Variants in NAXD observed in about 807,000 individuals in gnomAD.
NAXD encodes NAD(P)HX dehydratase.
NAXD carries 22 observed loss-of-function variants against 35.8 expected under a neutral mutation model. The observed-to-expected ratio is 0.62, with a 90% CI of 0.44 to 0.88. The LOEUF is 0.88. NAXD is among the 40% of genes least tolerant of loss of function. The pLI is 0.00. For synonymous variants in NAXD, 189 were observed against 177.6 expected, an observed-to-expected ratio of 1.06 and a Z score of -0.51; for missense variants, 428 against 437.7, an observed-to-expected ratio of 0.98 and a Z score of 0.20.
In NAXD at chr13:110,639,882, C is replaced by A. The variant is rs1887115030; in HGVS notation, c.*1354C>A. Reference sequence around the variant, plus strand: ...CTAATTTGACGCCTAACTTCAGAAGCTTCACTGTCTACATGTGAACTTTTC... The same window carrying A: ...CTAATTTGACGCCTAACTTCAGAAGATTCACTGTCTACATGTGAACTTTTC... On this transcript the variant is annotated 3_prime_UTR_variant, in exon 10 of 10. Transcript: ENST00000680254. The A allele has an allele frequency of 6.6e-6, 1 of 152,218 alleles. No homozygotes were observed. The highest frequency in any genetic ancestry group is 2.1e-4 in the South Asian group (1 of 4,832). The allele number at this position is 152,218 out of a possible 1,614,324, so 9.4% of individuals were successfully genotyped here. A position where few individuals can be genotyped will look rare whatever the true frequency, so the allele number is the denominator to read the frequency against.
In NAXD at chr13:110,639,013, A is replaced by G; in HGVS notation, c.*485A>G. On this transcript the variant is annotated 3_prime_UTR_variant, in exon 10 of 10. Coordinates refer to ENST00000680254, the MANE Select transcript of NAXD (RefSeq NM_001242882.2). ...CGACTGCACTGACTGGGTCCATCAG[A>G]GGGCTGCTTCGTTCTCCAGCTCATC... is the stretch of plus-strand genomic sequence containing the variant. The G allele has an allele frequency of 3.5e-6, 1 of 289,780 alleles. No individual in the cohort carries two copies. The highest frequency in any genetic ancestry group is 6.8e-6 in the Non-Finnish European group (1 of 146,874). 18.0% of individuals were successfully genotyped at this position (289,780 alleles called of 1,614,324 possible).
rs1337947238 is a variant in NAXD, at chr13:110,631,165, A to G, written c.442-3380A>G. Among the ~76,000 whole-genome samples the G allele has an allele frequency of 3.9e-5, 6 of 152,182 alleles. No individual in the cohort carries two copies. The East Asian group carries it at 1.2e-3, about 29-fold the overall frequency. The stretch of plus-strand genomic sequence containing the variant: ...AATCTGGAGCGCAGGCTCTTGACCA[A>G]TGCACCTGTCCTCACACTGTGCTCT... On this transcript the variant is annotated intron_variant, in intron 5 of 9. Transcript: ENST00000680254.
chr13:110,639,993 T>TAAGGAAAA lies in NAXD; in HGVS notation c.*1467_*1468insGGAAAAAA, dbSNP rs1887118346. On this transcript the variant is annotated 3_prime_UTR_variant, in exon 10 of 10. Transcript: ENST00000680254. ...TATTAAAAGACAGATCTGGTTAATT[T>TAAGGAAAA]AAATTGAGTATTGTATTTTTTTCCT... 6.6e-6 allele frequency: 1 copy of TAAGGAAAA among 152,218 alleles called. No individual in the cohort carries two copies. Among genetic ancestry groups the TAAGGAAAA allele is most frequent in the Non-Finnish European group, 1.5e-5 (1 of 68,032 alleles). 9.4% of individuals were successfully genotyped at this position (152,218 alleles called of 1,614,324 possible). A position where few individuals can be genotyped will look rare whatever the true frequency, so the allele number is the denominator to read the frequency against.
intron 1 of NAXD, 58 bp downstream of exon 1, chr13:110,615,705 G>A (rs1169757981): frequency 6.6e-7 from 1 of 1,519,800 alleles, no homozygotes. Context: ...CGGAACTGCC[G>A]TCGCCGGCGC....
chr13:110,622,759 A>G (rs926796331), intron 2 of NAXD, among the ~76,000 whole-genome samples: 3 of 152,218 alleles, frequency 2.0e-5, no homozygotes, highest in Admixed American at 6.5e-5. Flanking sequence ...AAATTTGACA[A>G]ATCCCTAGCT....
rs755893102 is a variant in NAXD at position 110,625,193 on chromosome 13, G to A, written c.247G>A (p.Ala83Thr). 9 of 1,613,038 alleles carry A rather than the reference G, an allele frequency of 5.6e-6. No individual in the cohort carries two copies. Among genetic ancestry groups the A allele is most frequent in the South Asian group, 3.3e-5 (3 of 91,058 alleles). Residue 83 changes from alanine to threonine, a missense_variant, in exon 4 of 10, where the codon GCA (alanine) becomes ACA (threonine). Coordinates refer to ENST00000680254, the MANE Select transcript of NAXD (RefSeq NM_001242882.2). Reference protein sequence around the residue: ...FAAISALKVGADLSHVFCASA... With the variant: ...FAAISALKVGTDLSHVFCASA... Reference sequence around the variant, plus strand: ...GCCTCTTGTGCTCCTTCATCAGGGCGCAGACTTGTCCCACGTGTTCTGTGC... The same window carrying A: ...GCCTCTTGTGCTCCTTCATCAGGGCACAGACTTGTCCCACGTGTTCTGTGC...
chr13:110,627,127 A>C (rs1280312382), intron 4 of NAXD, among the ~76,000 whole-genome samples: 1 of 152,216 alleles, frequency 6.6e-6, no homozygotes, highest in South Asian at 2.1e-4. Flanking sequence ...GGGTCCTGAC[A>C]TGGGAAGAGG....
In NAXD at chr13:110,615,609, T is replaced by C. The variant is rs535389496; in HGVS notation, c.8T>C (p.Leu3Pro). The change falls in exon 1 of 10, where the codon CTG becomes CCG. Residue 3 changes from leucine (L) to proline (P), a missense_variant. Physicochemically the swap from Leu to Pro is moderately conservative, Grantham distance 98. Transcript: ENST00000680254. MA[L>P]GPRCGAIRAC... Reference sequence around the variant, plus strand: ...AATCCGGAATGCTGCCCGATGGCCCTGGGTCCTCGCTGTGGGGCAATCCGG... The same window carrying C: ...AATCCGGAATGCTGCCCGATGGCCCCGGGTCCTCGCTGTGGGGCAATCCGG... 394 of 1,447,688 alleles carry C rather than the reference T, an allele frequency of 2.7e-4. 2 individuals are homozygous for C. In the African/African-American group the frequency reaches 5.3e-3, roughly 20 times the overall value. 89.7% of individuals were successfully genotyped at this position (1,447,688 alleles called of 1,614,324 possible).
At chr13:110,618,706 A>C (rs1886150043) in intron 1 of NAXD, among the ~76,000 whole-genome samples, 1 of 152,030 alleles carries the variant, frequency 6.6e-6, no homozygotes, top group Admixed American at 6.5e-5. Flanking sequence ...GCTTACCTTG[A>C]AGTGCAGGAA....
chr13:110,625,238 A>T lies in NAXD; in HGVS notation c.292A>T (p.Ile98Phe), dbSNP rs1425607842. ...VFCASAAAPVIKAYSPELIVH... is the reference protein window; with the variant it reads ...VFCASAAAPVFKAYSPELIVH... ...CTGTGCCAGTGCGGCCGCACCTGTG[A>T]TTAAGGCCTACAGCCCGGAGCTGAT... is the stretch of plus-strand genomic sequence containing the variant. Residue 98 changes from isoleucine (I) to phenylalanine (F), a missense_variant, in exon 4 of 10, where the codon ATT becomes TTT. Transcript: ENST00000680254. 1.9e-6 allele frequency: 3 copies of T among 1,613,892 alleles called. No individual in the cohort carries two copies. Among genetic ancestry groups the T allele is most frequent in the Non-Finnish European group, 2.5e-6 (3 of 1,179,900 alleles).
chr13:110,638,605 C>T lies in NAXD; in HGVS notation c.*77C>T, dbSNP rs1436642213. On this transcript the variant is annotated 3_prime_UTR_variant, in exon 10 of 10. Coordinates refer to ENST00000680254, the MANE Select transcript of NAXD (RefSeq NM_001242882.2). The surrounding 1 kb of genome is among the most constrained non-coding windows in gnomAD (Gnocchi z 5.4). ...TGTGATGGGAAAATCCGGACCCACGCGTGTGCTGAAGGCGTACGGTGCTTG... is the reference window on the plus strand; with the variant it reads ...TGTGATGGGAAAATCCGGACCCACGTGTGTGCTGAAGGCGTACGGTGCTTG... The T allele has an allele frequency of 8.4e-6, 13 of 1,541,084 alleles. No individual in the cohort carries two copies. The highest frequency in any genetic ancestry group is 3.3e-5 in the Admixed American group (2 of 59,762).
chr13:110,636,744 AGT>A (rs1224231531), intron 8 of NAXD, among the ~76,000 whole-genome samples: 1 of 152,158 alleles, frequency 6.6e-6, no homozygotes, highest in African/African-American at 2.4e-5. Context: ...TGAACTCTGG[AGT>A]GTGGGCTGCA....
At position 110,638,697 on chromosome 13, in the gene NAXD, T is replaced by C. The variant is rs330564; in HGVS notation, c.*169T>C. ...TTTAAGAATCTGGAATATTGCAGCTTTTGGTTAAACTTAATGCATGGTTGG... is the reference window on the plus strand; with the variant it reads ...TTTAAGAATCTGGAATATTGCAGCTCTTGGTTAAACTTAATGCATGGTTGG... On this transcript the variant is annotated 3_prime_UTR_variant, in exon 10 of 10. Transcript: ENST00000680254. This position sits in a 1 kb window ranked among gnomAD's most constrained non-coding sequence, Gnocchi z 5.4. The C allele has an allele frequency of 0.29, 231,792 of 798,342 alleles. 35,964 individuals carry two copies. The highest frequency in any genetic ancestry group is 0.49 in the Admixed American group (24,673 of 50,172). The allele number at this position is 798,342 out of a possible 1,614,324, so 49.5% of individuals were successfully genotyped here.
At chr13:110,621,985 A>T (rs1447559727) in intron 1 of NAXD, among the ~76,000 whole-genome samples, 1 of 150,848 alleles carries the variant, frequency 6.6e-6, no homozygotes, top group African/African-American at 2.4e-5. Flanking sequence ...AGCTGAGATC[A>T]CGCCACTGCA....
chr13:110,637,214 C>G lies in NAXD; in HGVS notation c.804C>G (p.His268Gln). The G allele has an allele frequency of 6.2e-7, 1 of 1,614,110 alleles. No homozygotes were observed. The highest frequency in any genetic ancestry group is 8.5e-7 in the Non-Finnish European group (1 of 1,179,990). Residue 268 changes from histidine to glutamine, a missense_variant, in exon 9 of 10, where the codon CAC becomes CAG. By Grantham distance (24) the His-to-Gln change is conservative. Around this residue, in one of 3 missense-constraint regions of NAXD, gnomAD observed 209 missense variants for 214.6 expected, o/e 0.97. Coordinates refer to ENST00000680254, the MANE Select transcript of NAXD (RefSeq NM_001242882.2). The part of the protein sequence containing the change: ...LLSGSLGVLV[H>Q]WALLAGPQKT... ...CGGGCTCCCTGGGCGTCCTGGTACA[C>G]TGGGCGCTCCTTGCTGGACCACAGA...
rs1363262408 is a variant in NAXD at position 110,638,346 on chromosome 13, C to T, written c.840-32C>T. ...GGCCCCCGGACCACGACGCCCACTT[C>T]CCCACACCTCCTGCTGTCCCCCTCT... is the stretch of plus-strand genomic sequence containing the variant. On this transcript the variant is annotated intron_variant, in intron 9 of 9. Transcript: ENST00000680254. This position sits in a 1 kb window ranked among gnomAD's most constrained non-coding sequence, Gnocchi z 5.4. 3.1e-6 allele frequency: 5 copies of T among 1,613,962 alleles called. No homozygotes were observed. In the South Asian group the frequency reaches 3.3e-5, roughly 11 times the overall value.
chr13:110,635,709 G>T, intron 8 of NAXD, 121 bp downstream of exon 8: 3 of 1,128,318 alleles, frequency 2.7e-6, no homozygotes, highest in Admixed American at 4.5e-5. Flanking sequence ...TTCACACAGG[G>T]ATTCCTGATG....
rs1887063932 is a variant in NAXD at position 110,639,027 on chromosome 13, C to T, written c.*499C>T. 3.6e-6 allele frequency: 1 copy of T among 277,220 alleles called. No individual in the cohort carries two copies. Among genetic ancestry groups the T allele is most frequent in the Admixed American group, 4.7e-5 (1 of 21,474 alleles). 17.2% of individuals were successfully genotyped at this position (277,220 alleles called of 1,614,324 possible). On this transcript the variant is annotated 3_prime_UTR_variant, in exon 10 of 10. Coordinates refer to ENST00000680254, the MANE Select transcript of NAXD (RefSeq NM_001242882.2). ...GGGTCCATCAGAGGGCTGCTTCGTT[C>T]TCCAGCTCATCTTCTTTTAAAGTGG...
intron 3 of NAXD, among the ~76,000 whole-genome samples, chr13:110,624,548 G>A (rs1166827555): frequency 1.3e-5 from 2 of 151,948 alleles, no homozygotes; most frequent in East Asian, 1.9e-4. Context: ...AACCTCCGCC[G>A]CCTGGGTTCA....
Sources: allele counts gnomAD v4.1 joint callset (sites outside exome capture counted in the v4.1 genomes callset), GRCh38; gene constraint gnomAD v4.1.1; regional missense constraint gnomAD v4.1.1; non-coding constraint Gnocchi (gnomAD v3.1); transcripts MANE v1.5; gene names NCBI Gene and HGNC (gene_info 2026-07-23, HGNC 2026-07-21).